GALNTL6: variants seen among roughly 807,000 people sequenced by gnomAD.
GALNTL6 encodes polypeptide N-acetylgalactosaminyltransferase-like 6.
GALNTL6 carries 46 observed loss-of-function variants against 73.7 expected under a neutral mutation model. That is an observed-to-expected ratio of 0.62 (90% CI 0.49 to 0.80). The LOEUF (loss-of-function observed/expected upper bound fraction) is 0.80, where lower values mean the gene tolerates loss of function less well. Among genes scored for constraint, GALNTL6 ranks in the 30% least tolerant of loss-of-function variants. The pLI is 0.00. For synonymous variants in GALNTL6, 259 were observed against 263.7 expected, an observed-to-expected ratio of 0.98 and a Z score of 0.17; for missense variants, 604 against 755.0, an observed-to-expected ratio of 0.80 and a Z score of 2.34.
intron 5 of GALNTL6, among the ~76,000 whole-genome samples, chr4:172,368,561 G>T (rs1742655913): frequency 6.6e-6 from 1 of 152,192 alleles, no homozygotes; most frequent in Non-Finnish European, 1.5e-5. Flanking sequence ...AGATCACAAA[G>T]CTCATCTAAA....
At chr4:171,951,589 A>G (rs930339432) in intron 2 of GALNTL6, among the ~76,000 whole-genome samples, 7 of 119,718 alleles carry the variant, frequency 5.8e-5, no homozygotes, top group African/African-American at 2.1e-4. Context: ...CATACACACA[A>G]CAGATAATAT....
At chr4:172,338,598 TAG>T (rs1741432434) in intron 4 of GALNTL6, among the ~76,000 whole-genome samples, 3 of 152,168 alleles carry the variant, frequency 2.0e-5, no homozygotes, top group Non-Finnish European at 4.4e-5. Flanking sequence ...TCCGGGCCAG[TAG>T]ATATCACTTC....
At chr4:172,724,192 G>C (rs1005231322) in intron 5 of GALNTL6, among the ~76,000 whole-genome samples, 1 of 152,026 alleles carries the variant, frequency 6.6e-6, no homozygotes, top group African/African-American at 2.4e-5. Flanking sequence ...AATCACTTTT[G>C]ATGCTATTTA....
At chr4:172,394,459 T>A (rs1257978883) in intron 5 of GALNTL6, among the ~76,000 whole-genome samples, 2 of 148,350 alleles carry the variant, frequency 1.3e-5, no homozygotes, top group African/African-American at 5.1e-5. Flanking sequence ...GAGATGGAGT[T>A]TTGCTCTTGT....
intron 3 of GALNTL6, among the ~76,000 whole-genome samples, chr4:172,282,494 AGGCC>A (rs1739096020): frequency 6.6e-6 from 1 of 152,192 alleles, no homozygotes; most frequent in Non-Finnish European, 1.5e-5. Flanking sequence ...AACAGAGCAG[AGGCC>A]GGTATAGGTA....
At chr4:172,634,025 C>T (rs547009717) in intron 5 of GALNTL6, among the ~76,000 whole-genome samples, 1 of 152,186 alleles carries the variant, frequency 6.6e-6, no homozygotes, top group Non-Finnish European at 1.5e-5. Context: ...TCTCTGGGAA[C>T]AGGCTAATAC....
At chr4:172,848,425 C>T (rs1178136688) in intron 7 of GALNTL6, among the ~76,000 whole-genome samples, 1 of 152,078 alleles carries the variant, frequency 6.6e-6, no homozygotes, top group African/African-American at 2.4e-5. Flanking sequence ...TTTCAGAAAG[C>T]TCTGAGTATA....
intron 2 of GALNTL6, among the ~76,000 whole-genome samples, chr4:172,064,105 A>G (rs1731289253): frequency 6.6e-6 from 1 of 152,212 alleles, no homozygotes; most frequent in Admixed American, 6.5e-5. Flanking sequence ...CTATCCCAGG[A>G]TCTTTGGTGA....
chr4:172,178,523 G>A (rs144734710), intron 2 of GALNTL6, among the ~76,000 whole-genome samples: 1 of 152,054 alleles, frequency 6.6e-6, no homozygotes, highest in African/African-American at 2.4e-5. Context: ...TGTAGTGTTT[G>A]GTTTTCTGTT....
chr4:172,790,907 A>G (rs1739959890), intron 5 of GALNTL6, among the ~76,000 whole-genome samples: 1 of 151,790 alleles, frequency 6.6e-6, no homozygotes, highest in South Asian at 2.1e-4. Context: ...AAAAAAAAAA[A>G]AAAAAAAAAA....
intron 2 of GALNTL6, among the ~76,000 whole-genome samples, chr4:172,080,453 T>G (rs973744121): frequency 2.6e-5 from 4 of 152,194 alleles, no homozygotes; most frequent in African/African-American, 9.6e-5. Context: ...CATAAGCCAC[T>G]GTGCCTGACC....
rs574206618 is a variant in GALNTL6, at chr4:172,857,986, C to T, written c.924-24804C>T. On this transcript the variant is annotated intron_variant, in intron 7 of 12. Coordinates refer to ENST00000506823, the MANE Select transcript of GALNTL6 (RefSeq NM_001034845.3). ...AAACATGGAGTTCACTTAATTTCTACTTCCCTCCTGAAGAGTTCTAAGCTG... is the reference window on the plus strand; with the variant it reads ...AAACATGGAGTTCACTTAATTTCTATTTCCCTCCTGAAGAGTTCTAAGCTG... Among the ~76,000 whole-genome samples, 20 of 152,338 alleles carry T rather than the reference C, an allele frequency of 1.3e-4. No individual in the cohort carries two copies. The South Asian group carries it at 2.1e-3, about 16-fold the overall frequency.
At chr4:172,017,351 G>A (rs1741232194) in intron 2 of GALNTL6, among the ~76,000 whole-genome samples, 2 of 152,144 alleles carry the variant, frequency 1.3e-5, no homozygotes, top group Non-Finnish European at 2.9e-5. Flanking sequence ...TTTTGAGTGG[G>A]GAGGGATTGT....
At chr4:172,727,802 A>T (rs1379885302) in intron 5 of GALNTL6, among the ~76,000 whole-genome samples, 2 of 151,918 alleles carry the variant, frequency 1.3e-5, no homozygotes, top group Non-Finnish European at 2.9e-5. Flanking sequence ...TTAAGCATTA[A>T]AATGTTTTTA....
chr4:172,932,958 C>T (rs1473945288), intron 9 of GALNTL6, among the ~76,000 whole-genome samples: 1 of 152,104 alleles, frequency 6.6e-6, no homozygotes, highest in Non-Finnish European at 1.5e-5. Flanking sequence ...AAACATATTC[C>T]TCTAAGTAGC....
intron 2 of GALNTL6, among the ~76,000 whole-genome samples, chr4:171,895,065 T>C (rs1420129528): frequency 2.6e-5 from 4 of 152,206 alleles, no homozygotes; most frequent in Non-Finnish European, 5.9e-5. Flanking sequence ...TATGATTTAA[T>C]TTTAATTATT....
intron 5 of GALNTL6, among the ~76,000 whole-genome samples, chr4:172,764,239 G>T (rs898763034): frequency 6.6e-6 from 1 of 152,250 alleles, no homozygotes; most frequent in African/African-American, 2.4e-5. Context: ...TTACAGGCGC[G>T]AACCACCGCG....
chr4:172,886,274 G>A (rs1488452303), intron 8 of GALNTL6, among the ~76,000 whole-genome samples: 1 of 152,122 alleles, frequency 6.6e-6, no homozygotes, highest in African/African-American at 2.4e-5. Context: ...TTCATAGGTT[G>A]TGTATTTACA....
At chr4:171,988,416 G>A (rs1740187495) in intron 2 of GALNTL6, among the ~76,000 whole-genome samples, 1 of 152,170 alleles carries the variant, frequency 6.6e-6, no homozygotes, top group Admixed American at 6.5e-5. Context: ...TACAGCCCAG[G>A]TAATTTGCTG....
Sources: allele counts gnomAD v4.1 joint callset (sites outside exome capture counted in the v4.1 genomes callset), GRCh38; gene constraint gnomAD v4.1.1; transcripts MANE v1.5; gene names NCBI Gene and HGNC (gene_info 2026-07-23, HGNC 2026-07-21).